The following LEUTX variants were observed in gnomAD, a reference collection of about 807,000 sequenced individuals.
The protein encoded by LEUTX is leucine twenty homeobox.
Under a neutral mutation model 4.5 loss-of-function variants are expected in LEUTX, and 5 were observed. The ratio of observed to expected loss-of-function variants is 1.11; its 90% CI spans 0.58 to 2.34. The LOEUF (loss-of-function observed/expected upper bound fraction) is 2.34. Among genes scored for constraint, LEUTX ranks in the 30% most tolerant of loss-of-function variants. The pLI, the probability that LEUTX is intolerant of heterozygous loss-of-function variation, is 0.01. For missense variants in LEUTX, 233 were observed against 239.4 expected (o/e 0.97, Z 0.18); for synonymous variants, 89 against 85.1 (o/e 1.05, Z -0.25).
chr19:39,786,006 C>T lies in LEUTX; in HGVS notation c.468C>T (p.Ala156=), dbSNP rs1389408322. ...ICLGASNPPW[A]STLFEIDEFV... ...TGGGGGCTTCAAATCCTCCTTGGGC[C>T]TCCACTCTCTTTGAAATAGATGAAT... The change falls in exon 3 of 3, where the codon GCC becomes GCT. Residue 156 remains alanine (A), a synonymous_variant. Coordinates refer to ENST00000638280, the MANE Select transcript of LEUTX (RefSeq NM_001382345.1). 5 of 1,551,698 alleles carry T rather than the reference C, an allele frequency of 3.2e-6. No homozygotes were observed. The highest frequency in any genetic ancestry group is 3.5e-6 in the Non-Finnish European group (4 of 1,147,002).
At chr19:39,776,771 C>T, upstream of LEUTX, 1 of 424,058 alleles carries the variant, frequency 2.4e-6, no homozygotes, top group Non-Finnish European at 4.7e-6. Context: ...GTCCCAGCTG[C>T]TTGGGAGGCT....
At chr19:39,781,211 CT>C (rs1381592726) in intron 1 of LEUTX, among the ~76,000 whole-genome samples, 1 of 152,140 alleles carries the variant, frequency 6.6e-6, no homozygotes, top group Non-Finnish European at 1.5e-5. Context: ...TGCTGAGACA[CT>C]AAGAGAAACC....
upstream of LEUTX, among the ~76,000 whole-genome samples, chr19:39,778,287 A>G (rs1271949972): frequency 1.3e-5 from 2 of 152,212 alleles, no homozygotes; most frequent in Non-Finnish European, 2.9e-5. Flanking sequence ...TGGGCTCCCC[A>G]GCTGCCCCCA....
chr19:39,783,382 CA>C (rs1743176234), intron 1 of LEUTX, among the ~76,000 whole-genome samples: 4 of 147,842 alleles, frequency 2.7e-5, no homozygotes, highest in Non-Finnish European at 6.0e-5. Flanking sequence ...CACACACACA[CA>C]CCACAGCTTA....
chr19:39,785,618 A>C (rs1347630150), intron 2 of LEUTX, 80 bp from the exon 3 acceptor site: 1 of 1,171,080 alleles, frequency 8.5e-7, no homozygotes, highest in Admixed American at 2.6e-5. Flanking sequence ...TCACACCAAA[A>C]AACCGAATTC....
At chr19:39,776,476 A>G, upstream of LEUTX, 1 of 378,528 alleles carries the variant, frequency 2.6e-6, no homozygotes, top group Non-Finnish European at 5.2e-6. Context: ...ACCACACAGA[A>G]GTTCTGACCT....
Position 39,785,875 on chromosome 19 carries a change from C to A in LEUTX, c.337C>A (p.His113Asn). 1 of 1,551,784 alleles carries A rather than the reference C, an allele frequency of 6.4e-7. No homozygotes were observed. The highest frequency in any genetic ancestry group is 1.2e-5 in the South Asian group (1 of 84,068). The part of the protein sequence containing the change: ...VSPGISDAND[H>N]DLREPSGIKN... ...TCCTGGAATCTCTGATGCAAATGAC[C>A]ATGATCTACGTGAGCCTTCTGGTAT... The change falls in exon 3 of 3, where the codon CAT (histidine) becomes AAT (asparagine). Residue 113 changes from histidine (H) to asparagine (N), a missense_variant. Transcript: ENST00000638280.
intron 1 of LEUTX, 63 bp from the exon 2 acceptor site, chr19:39,784,464 A>G: frequency 1.5e-6 from 1 of 687,148 alleles, no homozygotes; most frequent in East Asian, 2.7e-5. Context: ...CCCTTGATGT[A>G]GTACTCTCCT....
Position 39,786,080 on chromosome 19 carries a change from A to T in LEUTX, c.542A>T (p.Asn181Ile). The T allele has an allele frequency of 6.5e-7, 1 of 1,549,568 alleles. No homozygotes were observed. Among genetic ancestry groups the T allele is most frequent in the Non-Finnish European group, 8.7e-7 (1 of 1,146,244 alleles). The change falls in exon 3 of 3, where the codon AAT (asparagine) becomes ATT (isoleucine). Residue 181 changes from asparagine to isoleucine, a missense_variant. Coordinates refer to ENST00000638280, the MANE Select transcript of LEUTX (RefSeq NM_001382345.1). ...LPGEDDTSSL[N>I]QYLFPVCLEY... ...GGGGAAGATGACACCAGCAGCCTAA[A>T]TCAATATCTTTTTCCAGTATGCCTT...
upstream of LEUTX, chr19:39,776,463 C>A (rs59802166): frequency 4.0e-3 from 1,465 of 363,682 alleles, 23 homozygotes; most frequent in African/African-American, 0.028. Flanking sequence ...GGAGTGCTGC[C>A]GCACCACACA....
intron 1 of LEUTX, among the ~76,000 whole-genome samples, chr19:39,784,275 C>A (rs1321671040): frequency 6.6e-6 from 1 of 151,764 alleles, no homozygotes; most frequent in Non-Finnish European, 1.5e-5. Context: ...TCACGGATTT[C>A]TTCTTGGTTT....
intron 1 of LEUTX, among the ~76,000 whole-genome samples, chr19:39,783,810 A>T (rs1386790115): frequency 6.6e-6 from 1 of 151,666 alleles, no homozygotes; most frequent in African/African-American, 2.4e-5. Context: ...TCATGTCCTT[A>T]GCCCACTTTT....
At chr19:39,781,467 A>G (rs1967886533) in intron 1 of LEUTX, among the ~76,000 whole-genome samples, 1 of 152,192 alleles carries the variant, frequency 6.6e-6, no homozygotes, top group South Asian at 2.1e-4. Flanking sequence ...TCATGTTGAA[A>G]TGTGATCCCC....
Position 39,785,836 on chromosome 19 carries a change from A to T in LEUTX, c.298A>T (p.Ile100Phe). ...ETPSAITTAN[I>F]RPVSPGISDA... ...TCCCTCAGCCATAACTACTGCAAACATTCGTCCAGTAAGTCCTGGAATCTC... is the reference window on the plus strand; with the variant it reads ...TCCCTCAGCCATAACTACTGCAAACTTTCGTCCAGTAAGTCCTGGAATCTC... Residue 100 changes from isoleucine (I) to phenylalanine (F), a missense_variant, in exon 3 of 3, where the codon ATT (isoleucine) becomes TTT (phenylalanine). Physicochemically the swap from Ile to Phe is conservative, Grantham distance 21. Transcript: ENST00000638280. 6.4e-7 allele frequency: 1 copy of T among 1,551,768 alleles called. No homozygotes were observed. Among genetic ancestry groups the T allele is most frequent in the South Asian group, 1.2e-5 (1 of 84,068 alleles).
At position 39,785,965 on chromosome 19, in the gene LEUTX, A is replaced by G. The variant is rs1599619194; in HGVS notation, c.427A>G (p.Ile143Val). The G allele has an allele frequency of 1.9e-6, 3 of 1,551,804 alleles. No homozygotes were observed. The highest frequency in any genetic ancestry group is 4.9e-5 in the East Asian group (2 of 40,932). Residue 143 changes from isoleucine (I) to valine (V), a missense_variant, in exon 3 of 3, where the codon ATT becomes GTT. Coordinates refer to ENST00000638280, the MANE Select transcript of LEUTX (RefSeq NM_001382345.1). Reference sequence around the variant, plus strand: ...ATCCTGGGATTCTCAGTCATATGACATTGAACAGATATGTCTGGGGGCTTC... The same window carrying G: ...ATCCTGGGATTCTCAGTCATATGACGTTGAACAGATATGTCTGGGGGCTTC... ...VSSWDSQSYDIEQICLGASNP... is the reference protein window; with the variant it reads ...VSSWDSQSYDVEQICLGASNP...
chr19:39,781,047 C>T (rs1967877872), intron 1 of LEUTX, among the ~76,000 whole-genome samples: 1 of 151,782 alleles, frequency 6.6e-6, no homozygotes, highest in Admixed American at 6.6e-5. Flanking sequence ...TGCTGCTTTC[C>T]TCCTCTTCTT....
intron 1 of LEUTX, among the ~76,000 whole-genome samples, chr19:39,781,881 C>T (rs1441287333): frequency 6.6e-6 from 1 of 152,210 alleles, no homozygotes. Flanking sequence ...TGGTTACTCA[C>T]ATCTTCCCTA....
chr19:39,785,654 A>G (rs1206439277), intron 2 of LEUTX, 44 bp from the exon 3 acceptor site: 2 of 1,458,696 alleles, frequency 1.4e-6, no homozygotes, highest in African/African-American at 1.4e-5. Context: ...ATGCCCCTTT[A>G]TACTCAACAT....
chr19:39,776,853 A>G (rs945946610), upstream of LEUTX, among the ~76,000 whole-genome samples: 5 of 152,144 alleles, frequency 3.3e-5, no homozygotes, highest in Non-Finnish European at 7.4e-5. Flanking sequence ...TGCCTGGGTG[A>G]TAGAGCGAGA....
Sources: allele counts gnomAD v4.1 joint callset (sites outside exome capture counted in the v4.1 genomes callset), GRCh38; gene constraint gnomAD v4.1.1; transcripts MANE v1.5; gene names NCBI Gene and HGNC (gene_info 2026-07-23, HGNC 2026-07-21).